The following RBFOX1 variants were observed in gnomAD, a reference collection of about 807,000 sequenced individuals.
RBFOX1 encodes RNA binding protein fox-1 homolog 1.
Under a neutral mutation model 57.7 loss-of-function variants are expected in RBFOX1, and 8 were observed. That is an observed-to-expected ratio of 0.14 (90% CI 0.08 to 0.25). The LOEUF is 0.25. Ranked by LOEUF, RBFOX1 falls within the 10% of genes least tolerant of loss-of-function variation. The pLI is 1.00. For synonymous variants in RBFOX1, 326 were observed against 222.4 expected, an observed-to-expected ratio of 1.47 and a Z score of -4.15; for missense variants, 611 against 548.5, an observed-to-expected ratio of 1.11 and a Z score of -1.14.
At chr16:7,590,448 G>A (rs944817895) in intron 7 of RBFOX1, among the ~76,000 whole-genome samples, 1 of 152,032 alleles carries the variant, frequency 6.6e-6, no homozygotes, top group Non-Finnish European at 1.5e-5. Flanking sequence ...AGCATTTAGG[G>A]GCGAATGATC....
intron 2 of RBFOX1, among the ~76,000 whole-genome samples, chr16:6,447,852 C>A (rs146257774): frequency 6.6e-6 from 1 of 152,126 alleles, no homozygotes; most frequent in Non-Finnish European, 1.5e-5. Flanking sequence ...AGGGGAAAGA[C>A]AGCCGTCCAA....
At chr16:5,753,385 C>T (rs1167226543) in intron 3 of RBFOX1, among the ~76,000 whole-genome samples, 1 of 152,104 alleles carries the variant, frequency 6.6e-6, no homozygotes, top group Non-Finnish European at 1.5e-5. Flanking sequence ...ACTGCTTATA[C>T]TCAAAAAAAT....
chr16:5,971,793 C>A (rs367882225), intron 4 of RBFOX1, among the ~76,000 whole-genome samples: 46 of 152,166 alleles, frequency 3.0e-4, no homozygotes, highest in African/African-American at 1.1e-3. Flanking sequence ...CATGGGGTGC[C>A]CAGATATTTG....
At chr16:7,105,698 A>G (rs9673634) in intron 4 of RBFOX1, among the ~76,000 whole-genome samples, 1 of 151,992 alleles carries the variant, frequency 6.6e-6, no homozygotes, top group South Asian at 2.1e-4. Context: ...ATCTCTCTAT[A>G]TATATCTATC....
At chr16:6,570,489 C>T (rs1190100698) in intron 2 of RBFOX1, among the ~76,000 whole-genome samples, 5 of 150,730 alleles carry the variant, frequency 3.3e-5, no homozygotes, top group Non-Finnish European at 5.9e-5. Context: ...ATCCACTGTA[C>T]TCTCTCTATA....
At chr16:6,326,782 C>T (rs1033929295) in intron 2 of RBFOX1, among the ~76,000 whole-genome samples, 6 of 152,096 alleles carry the variant, frequency 3.9e-5, no homozygotes, top group Admixed American at 2.6e-4. Context: ...TCGGTGTCCT[C>T]CCTGACGTCC....
At chr16:6,169,633 A>G (rs1386148648) in intron 1 of RBFOX1, among the ~76,000 whole-genome samples, 1 of 152,220 alleles carries the variant, frequency 6.6e-6, no homozygotes, top group Admixed American at 6.5e-5. Flanking sequence ...ACTGAGCTAG[A>G]TTGGTTACAG....
intron 4 of RBFOX1, among the ~76,000 whole-genome samples, chr16:7,354,180 A>G (rs1290545383): frequency 3.9e-5 from 6 of 152,098 alleles, no homozygotes; most frequent in Non-Finnish European, 4.4e-5. Flanking sequence ...CACATTGGTC[A>G]GACTGGTCTC....
chr16:7,360,049 A>G (rs566085529), intron 4 of RBFOX1, among the ~76,000 whole-genome samples: 2 of 152,216 alleles, frequency 1.3e-5, no homozygotes, highest in South Asian at 2.1e-4. Context: ...TAATTACACT[A>G]TATAGTCTTT....
At chr16:6,848,262 G>C (rs561545042) in intron 3 of RBFOX1, among the ~76,000 whole-genome samples, 1 of 152,196 alleles carries the variant, frequency 6.6e-6, no homozygotes, top group African/African-American at 2.4e-5. Context: ...CTTCACAGCT[G>C]CAGCTGATTG....
chr16:7,126,054 G>T (rs982281143), intron 4 of RBFOX1, among the ~76,000 whole-genome samples: 1 of 152,164 alleles, frequency 6.6e-6, no homozygotes, highest in East Asian at 1.9e-4. Context: ...TTGCACTGCA[G>T]CATGGGCGAC....
chr16:7,356,351 C>T (rs1363526251), intron 4 of RBFOX1, among the ~76,000 whole-genome samples: 3 of 152,106 alleles, frequency 2.0e-5, no homozygotes, highest in African/African-American at 7.2e-5. Flanking sequence ...ACAGAGGGCC[C>T]ATCACAGAGA....
chr16:7,024,785 C>A (rs2040393617), intron 3 of RBFOX1, among the ~76,000 whole-genome samples: 1 of 152,200 alleles, frequency 6.6e-6, no homozygotes, highest in Non-Finnish European at 1.5e-5. Flanking sequence ...CAGAGCCATT[C>A]CCTGCAATTC....
chr16:6,856,350 G>A (rs1490926666), intron 3 of RBFOX1, among the ~76,000 whole-genome samples: 1 of 152,126 alleles, frequency 6.6e-6, no homozygotes, highest in East Asian at 1.9e-4. Context: ...TGAATTCTGA[G>A]TAACTAGGAT....
intron 3 of RBFOX1, among the ~76,000 whole-genome samples, chr16:5,618,669 A>C (rs952170621): frequency 2.0e-5 from 3 of 152,138 alleles, no homozygotes; most frequent in South Asian, 4.1e-4. Flanking sequence ...GTTATACCTC[A>C]AAAAAACTGT....
chr16:5,340,053 G>C (rs986785736), intron 1 of RBFOX1, among the ~76,000 whole-genome samples: 1 of 152,190 alleles, frequency 6.6e-6, no homozygotes, highest in Non-Finnish European at 1.5e-5. Flanking sequence ...GTATGGGCCA[G>C]ATTTGAATTT....
At chr16:6,628,325 C>T (rs930344527) in intron 2 of RBFOX1, among the ~76,000 whole-genome samples, 5 of 152,152 alleles carry the variant, frequency 3.3e-5, no homozygotes, top group Non-Finnish European at 7.3e-5. Context: ...CCGGTATCTT[C>T]CTAAACCTAG....
At chr16:7,263,116 C>A (rs948411766) in intron 4 of RBFOX1, among the ~76,000 whole-genome samples, 2 of 152,166 alleles carry the variant, frequency 1.3e-5, no homozygotes, top group Non-Finnish European at 2.9e-5. Flanking sequence ...AGTCACTCAG[C>A]AAATGAGAAA....
chr16:6,090,839 C>A (rs1326473803), intron 1 of RBFOX1, among the ~76,000 whole-genome samples: 1 of 152,094 alleles, frequency 6.6e-6, no homozygotes, highest in Non-Finnish European at 1.5e-5. Context: ...GGGGTGAGAG[C>A]AGAGGGGAAG....
Sources: allele counts gnomAD v4.1 joint callset (sites outside exome capture counted in the v4.1 genomes callset), GRCh38; gene constraint gnomAD v4.1.1; transcripts MANE v1.5; gene names NCBI Gene and HGNC (gene_info 2026-07-23, HGNC 2026-07-21).